TIMM44: variants seen among roughly 807,000 people sequenced by gnomAD.
TIMM44 encodes translocase of inner mitochondrial membrane 44.
In TIMM44, 37 loss-of-function variants were observed where a neutral mutation model predicts 63.8. The ratio of observed to expected loss-of-function variants is 0.58; its 90% CI spans 0.45 to 0.76. The LOEUF (loss-of-function observed/expected upper bound fraction) is 0.76, where lower values mean the gene tolerates loss of function less well. Among genes scored for constraint, TIMM44 ranks in the 30% least tolerant of loss-of-function variants. TIMM44 has a pLI of 0.00. For missense variants in TIMM44, 573 were observed against 603.8 expected, an observed-to-expected ratio of 0.95 and a Z score of 0.54; for synonymous variants, 239 against 245.1, an observed-to-expected ratio of 0.98 and a Z score of 0.23.
rs925438111 is a variant in TIMM44 at position 7,943,212 on chromosome 19, A to T, written c.45+395T>A. ...CACAATGAACGTTAGAAGAAACGAGACAAGAAATGCTCTCGGTAGAGAACT... is the reference window on the plus strand; with the variant it reads ...CACAATGAACGTTAGAAGAAACGAGTCAAGAAATGCTCTCGGTAGAGAACT... On this transcript the variant is annotated intron_variant, in intron 1 of 12. Transcript: ENST00000270538. This position sits in a 1 kb window ranked among gnomAD's most constrained non-coding sequence, Gnocchi z 4.3. Among the ~76,000 whole-genome samples, 44 of 152,254 alleles carry T rather than the reference A, an allele frequency of 2.9e-4. No homozygotes were observed. Among genetic ancestry groups the T allele is most frequent in the Non-Finnish European group, 3.1e-4 (21 of 68,024 alleles).
In TIMM44 at chr19:7,927,153, C is replaced by G. The variant is rs1983830799; in HGVS notation, c.*34G>C. On this transcript the variant is annotated 3_prime_UTR_variant, in exon 13 of 13. Coordinates refer to ENST00000270538, the MANE Select transcript of TIMM44 (RefSeq NM_006351.4). Reference sequence around the variant, plus strand: ...GTTGCGGTGCCTCTGTGCCTGATGACCCAGGCCGGGGCTACCTGGCTCCGG... The same window carrying G: ...GTTGCGGTGCCTCTGTGCCTGATGAGCCAGGCCGGGGCTACCTGGCTCCGG... 1 of 1,588,838 alleles carries G rather than the reference C, an allele frequency of 6.3e-7. No individual in the cohort carries two copies. Among genetic ancestry groups the G allele is most frequent in the African/African-American group, 1.3e-5 (1 of 74,582 alleles).
Position 7,933,938 on chromosome 19 carries a change from C to A in TIMM44, c.609G>T (p.Arg203Ser). The A allele has an allele frequency of 6.2e-7, 1 of 1,614,050 alleles. No individual in the cohort carries two copies. Residue 203 changes from arginine to serine, a missense_variant, in exon 6 of 13, where the codon AGG becomes AGT. Physicochemically the swap from Arg to Ser is moderately radical, Grantham distance 110. Transcript: ENST00000270538. This position sits in a 1 kb window ranked among gnomAD's most constrained non-coding sequence, Gnocchi z 4.3. The part of the protein sequence containing the change: ...SVLGQTGPYR[R>S]PQRLRKRTEF... ...CCGTTCTCTTCCGGAGTCGCTGGGG[C>A]CTCCGGTAGGGCCCGGTCTGTCCCA...
chr19:7,932,673 C>T lies in TIMM44; in HGVS notation c.941G>A (p.Arg314Gln), dbSNP rs759023832. 31 of 1,614,008 alleles carry T rather than the reference C, an allele frequency of 1.9e-5. No homozygotes were observed. The highest frequency in any genetic ancestry group is 1.8e-4 in the East Asian group (8 of 44,886). The change falls in exon 9 of 13, where the codon CGG becomes CAG. Residue 314 changes from arginine (R) to glutamine (Q), a missense_variant. Arg to Gln is a conservative substitution (Grantham distance 43). Transcript: ENST00000270538. ...GTCGTTCTCGCACTGTTTCAGAAAC[C>T]GGTCCTTGTCAAAGGCCGGGTCCAC... is the stretch of plus-strand genomic sequence containing the variant. ...LRVDPAFDKD[R>Q]FLKQCENDII...
rs1354799929 is a variant in TIMM44 at position 7,927,707 on chromosome 19, G to A, written c.1189C>T (p.Leu397=). ...PVLIITFQAQ[L]VMVVRNPKGE... ...TTGGGGTTCCTGACCACCATCACCA[G>A]CTGTGCCTGGAAGGTGATGATCAGC... The change falls in exon 12 of 13, where the codon CTG becomes TTG. Residue 397 remains leucine (L), a synonymous_variant. Transcript: ENST00000270538. 1 of 1,613,394 alleles carries A rather than the reference G, an allele frequency of 6.2e-7. No homozygotes were observed. The highest frequency in any genetic ancestry group is 8.5e-7 in the Non-Finnish European group (1 of 1,180,010).
intron 10 of TIMM44, among the ~76,000 whole-genome samples, chr19:7,930,489 T>C (rs1841940669): frequency 6.6e-6 from 1 of 151,954 alleles, no homozygotes; most frequent in Admixed American, 6.6e-5. Flanking sequence ...TTTATTTTAG[T>C]AGAGATGGGG....
Position 7,933,047 on chromosome 19 carries a change from G to C in TIMM44, c.770-115C>G. ...GCGGGATCCACCCTGACACGGGTGGGGTCAGGGAGGGGACGGCTGTGGACC... is the reference window on the plus strand; with the variant it reads ...GCGGGATCCACCCTGACACGGGTGGCGTCAGGGAGGGGACGGCTGTGGACC... On this transcript the variant is annotated intron_variant, in intron 7 of 12. Transcript: ENST00000270538. The surrounding 1 kb of genome is among the most constrained non-coding windows in gnomAD (Gnocchi z 4.3). 1.2e-6 allele frequency: 1 copy of C among 825,684 alleles called. No individual in the cohort carries two copies. The highest frequency in any genetic ancestry group is 2.0e-6 in the Non-Finnish European group (1 of 493,628). 51.1% of individuals were successfully genotyped at this position (825,684 alleles called of 1,614,324 possible).
At position 7,943,504 on chromosome 19, in the gene TIMM44, C is replaced by T; in HGVS notation, c.45+103G>A. ...CTAACCCCAAGCTTTCTAAGGAGCC[C>T]AAGCAAGGGTCGCGAAGGCCAAGGG... On this transcript the variant is annotated intron_variant, in intron 1 of 12. Transcript: ENST00000270538. The surrounding 1 kb of genome is among the most constrained non-coding windows in gnomAD (Gnocchi z 4.3). The T allele has an allele frequency of 7.4e-7, 1 of 1,346,174 alleles. No individual in the cohort carries two copies. The highest frequency in any genetic ancestry group is 1.0e-6 in the Non-Finnish European group (1 of 974,168). The allele number at this position is 1,346,174 out of a possible 1,614,324, so 83.4% of individuals were successfully genotyped here.
intron 4 of TIMM44, 26 bp downstream of exon 4, chr19:7,935,039 G>A (rs377330277): frequency 1.2e-6 from 2 of 1,600,774 alleles, no homozygotes; most frequent in Non-Finnish European, 8.5e-7. Context: ...GGCCCCAGCG[G>A]CTCCAGGCGG....
intron 11 of TIMM44, 42 bp from the exon 12 acceptor site, chr19:7,927,809 C>T (rs1784995439): frequency 1.3e-6 from 2 of 1,582,310 alleles, no homozygotes; most frequent in Non-Finnish European, 1.7e-6. Flanking sequence ...CAGAGGACAG[C>T]CCGGCTGCTC....
chr19:7,933,633 G>C lies in TIMM44; in HGVS notation c.684-63C>G. 1 of 1,467,522 alleles carries C rather than the reference G, an allele frequency of 6.8e-7. No individual in the cohort carries two copies. The highest frequency in any genetic ancestry group is 9.5e-7 in the Non-Finnish European group (1 of 1,047,288). The allele number at this position is 1,467,522 out of a possible 1,614,324, so 90.9% of individuals were successfully genotyped here. A position where few individuals can be genotyped will look rare whatever the true frequency, so the allele number is the denominator to read the frequency against. ...CCAGGGCCACCCTGTGCCCTCCTGC[G>C]GCTGCAGGCAGGGGGCAGTACAGGA... is the stretch of plus-strand genomic sequence containing the variant. On this transcript the variant is annotated intron_variant, in intron 6 of 12. Transcript: ENST00000270538. The surrounding 1 kb of genome is among the most constrained non-coding windows in gnomAD (Gnocchi z 4.3).
chr19:7,932,853 G>A lies in TIMM44; in HGVS notation c.849C>T (p.Val283=), dbSNP rs1032182591. 6.2e-7 allele frequency: 1 copy of A among 1,614,210 alleles called. No individual in the cohort carries two copies. Among genetic ancestry groups the A allele is most frequent in the Non-Finnish European group, 8.5e-7 (1 of 1,180,030 alleles). ...TGACTCACTCACCCAGCAAGTCGGT[G>A]ACCTTGTCCGTAAGGGCCCGGGATG... The part of the protein sequence containing the change: ...IRASRALTDK[V]TDLLGGLFSK... The change falls in exon 8 of 13, where the codon GTC becomes GTT. Residue 283 remains valine (V), a synonymous_variant. Transcript: ENST00000270538.
Position 7,927,250 on chromosome 19 carries a change from G to A in TIMM44, c.1296C>T (p.Leu432=). The stretch of plus-strand genomic sequence containing the variant: ...GGAGCCGCCAGGCCGCGTAGGGGTT[G>A]AGCTCGTCCTGGTCTCGGCAGAGCG... ...VWALCRDQDE[L]NPYAAWRLLD... is the part of the protein sequence containing the mutation. Residue 432 remains leucine, a synonymous_variant, in exon 13 of 13, where the codon CTC becomes CTT. Coordinates refer to ENST00000270538, the MANE Select transcript of TIMM44 (RefSeq NM_006351.4). 2 of 1,612,554 alleles carry A rather than the reference G, an allele frequency of 1.2e-6. No homozygotes were observed. The highest frequency in any genetic ancestry group is 1.7e-6 in the Non-Finnish European group (2 of 1,179,948).
In TIMM44 at chr19:7,933,366, G is replaced by T; in HGVS notation, c.769+119C>A. 1.1e-6 allele frequency: 1 copy of T among 922,032 alleles called. No individual in the cohort carries two copies. Among genetic ancestry groups the T allele is most frequent in the South Asian group, 1.3e-5 (1 of 76,824 alleles). The allele number at this position is 922,032 out of a possible 1,614,324, so 57.1% of individuals were successfully genotyped here. Reference sequence around the variant, plus strand: ...CGCAAAGAAGTGACCGGCCCACTCTGACCCCGATCTCCTCCTCTGCAAAAC... The same window carrying T: ...CGCAAAGAAGTGACCGGCCCACTCTTACCCCGATCTCCTCCTCTGCAAAAC... On this transcript the variant is annotated intron_variant, in intron 7 of 12. Transcript: ENST00000270538. The surrounding 1 kb of genome is among the most constrained non-coding windows in gnomAD (Gnocchi z 4.3).
rs757421300 is a variant in TIMM44, at chr19:7,932,936, T to C, written c.770-4A>G. On this transcript the variant is annotated splice_region_variant and splice_polypyrimidine_tract_variant and intron_variant, in intron 7 of 12. Coordinates refer to ENST00000270538, the MANE Select transcript of TIMM44 (RefSeq NM_006351.4). ...TTCATCTTCATCTCGAAGAACCCTG[T>C]GGAAGATGGGGTAGGTGCTGGAGAA... 1 of 1,613,508 alleles carries C rather than the reference T, an allele frequency of 6.2e-7. No individual in the cohort carries two copies. The highest frequency in any genetic ancestry group is 1.1e-5 in the South Asian group (1 of 91,064).
Position 7,927,321 on chromosome 19 carries a change from G to T in TIMM44, c.1240-15C>A. On this transcript the variant is annotated splice_polypyrimidine_tract_variant and intron_variant, in intron 12 of 12. Transcript: ENST00000270538. ...AGCACCTTGTCCTGCAGGGTGGGGT[G>T]GGAAGGGCACTGTTGAGAGGGTTGA... is the stretch of plus-strand genomic sequence containing the variant. 6.2e-7 allele frequency: 1 copy of T among 1,608,988 alleles called. No homozygotes were observed.
At chr19:7,939,664 C>T (rs1984250589) in intron 2 of TIMM44, among the ~76,000 whole-genome samples, 1 of 148,584 alleles carries the variant, frequency 6.7e-6, no homozygotes, top group South Asian at 2.1e-4. Flanking sequence ...ATCTGTAATC[C>T]TAGCACTTTG....
In TIMM44 at chr19:7,933,514, T is replaced by G; in HGVS notation, c.740A>C (p.Asp247Ala). Reference sequence around the variant, plus strand: ...AAACACCACGTTGTTCTCCTTGAAGTCCTTCCACTGCTGGTACCACTTGGA... The same window carrying G: ...AAACACCACGTTGTTCTCCTTGAAGGCCTTCCACTGCTGGTACCACTTGGA... The part of the protein sequence containing the change: ...KDSKWYQQWK[D>A]FKENNVVFNR... Residue 247 changes from aspartate (D) to alanine (A), a missense_variant, in exon 7 of 13, where the codon GAC becomes GCC. Physicochemically the swap from Asp to Ala is moderately radical, Grantham distance 126. Coordinates refer to ENST00000270538, the MANE Select transcript of TIMM44 (RefSeq NM_006351.4). This position sits in a 1 kb window ranked among gnomAD's most constrained non-coding sequence, Gnocchi z 4.3. 2 of 1,614,082 alleles carry G rather than the reference T, an allele frequency of 1.2e-6. No homozygotes were observed. Among genetic ancestry groups the G allele is most frequent in the Non-Finnish European group, 1.7e-6 (2 of 1,180,002 alleles).
chr19:7,933,025 G>T lies in TIMM44; in HGVS notation c.770-93C>A, dbSNP rs1020946624. On this transcript the variant is annotated intron_variant, in intron 7 of 12. Coordinates refer to ENST00000270538, the MANE Select transcript of TIMM44 (RefSeq NM_006351.4). This position sits in a 1 kb window ranked among gnomAD's most constrained non-coding sequence, Gnocchi z 4.3. ...CTAGAGGCTCCCTGTGACCCCTGCG[G>T]GATCCACCCTGACACGGGTGGGGTC... is the stretch of plus-strand genomic sequence containing the variant. 1 of 1,032,304 alleles carries T rather than the reference G, an allele frequency of 9.7e-7. No individual in the cohort carries two copies. The highest frequency in any genetic ancestry group is 1.5e-6 in the Non-Finnish European group (1 of 672,388). The allele number at this position is 1,032,304 out of a possible 1,614,324, so 63.9% of individuals were successfully genotyped here.
intron 3 of TIMM44, among the ~76,000 whole-genome samples, chr19:7,937,505 G>A (rs960299481): frequency 3.3e-5 from 5 of 152,194 alleles, no homozygotes; most frequent in African/African-American, 7.2e-5. Context: ...TGGGGACCAC[G>A]CTTCAAGCTG....
Sources: gnomAD v4.1 joint callset for allele counts (sites outside exome capture counted in the v4.1 genomes callset) on GRCh38, gnomAD v4.1.1 for gene constraint, Gnocchi (gnomAD v3.1) non-coding constraint, MANE v1.5 for transcripts, NCBI Gene and HGNC (gene_info 2026-07-23, HGNC 2026-07-21) for gene names.